NOX4: variants seen among roughly 807,000 people sequenced by gnomAD.
NOX4 encodes the protein NADPH oxidase 4.
In NOX4, 69 loss-of-function variants were observed where a neutral mutation model predicts 87.6. The ratio of observed to expected loss-of-function variants is 0.79; its 90% CI spans 0.65 to 0.96. The LOEUF (loss-of-function observed/expected upper bound fraction) is 0.96. NOX4 is among the 40% of genes least tolerant of loss of function. The pLI, the probability that NOX4 is intolerant of heterozygous loss-of-function variation, is 0.00. For missense variants in NOX4, 680 were observed against 681.5 expected (o/e 1.00, Z 0.02); for synonymous variants, 275 against 238.2 (o/e 1.15, Z -1.42).
At chr11:89,391,761 G>T (rs1223107332) in intron 11 of NOX4, among the ~76,000 whole-genome samples, 4 of 139,448 alleles carry the variant, frequency 2.9e-5, no homozygotes, top group Non-Finnish European at 4.7e-5. Context: ...AAAAAAGAAA[G>T]AAAGAAAAAA....
At chr11:89,521,006 A>T in the NOX4 span, among the ~76,000 whole-genome samples, 2 of 152,162 alleles carry the variant, frequency 1.3e-5, no homozygotes, top group Non-Finnish European at 2.9e-5. Context: ...TCACTACAAA[A>T]AGAACTATGA....
intron 2 of NOX4, among the ~76,000 whole-genome samples, chr11:89,489,387 T>C (rs2034406136): frequency 6.6e-6 from 1 of 152,148 alleles, no homozygotes; most frequent in Admixed American, 6.6e-5. Flanking sequence ...TTTTTTCAGG[T>C]TCCCTAAGTT....
At chr11:89,489,598 C>T (rs187158294) in intron 2 of NOX4, among the ~76,000 whole-genome samples, 4 of 151,802 alleles carry the variant, frequency 2.6e-5, no homozygotes, top group African/African-American at 4.8e-5. Context: ...TGTGCTGGTG[C>T]GTGCCTGTAG....
the NOX4 span, among the ~76,000 whole-genome samples, chr11:89,514,541 T>C: frequency 6.6e-6 from 1 of 152,018 alleles, no homozygotes; most frequent in Non-Finnish European, 1.5e-5. Context: ...GTAAAATGTT[T>C]ATTAAAATTA....
chr11:89,328,747 C>T (rs893474467), intron 17 of NOX4, among the ~76,000 whole-genome samples: 2 of 151,956 alleles, frequency 1.3e-5, no homozygotes, highest in Admixed American at 6.6e-5. Flanking sequence ...GGAGATAAGG[C>T]TTTAAAGGAG....
intron 11 of NOX4, among the ~76,000 whole-genome samples, chr11:89,390,861 T>C (rs1334872371): frequency 2.0e-5 from 3 of 152,176 alleles, no homozygotes; most frequent in Admixed American, 1.3e-4. Flanking sequence ...TGATCTCAAA[T>C]ATTAGACTTT....
At chr11:89,490,709 A>ACAAAAATGCAGTTTT in intron 1 of NOX4, 156 bp from the exon 2 acceptor site, 1 of 712,560 alleles carries the variant, frequency 1.4e-6, no homozygotes, top group Non-Finnish European at 2.5e-6. Context: ...CAAGCTGAAA[A>ACAAAAATGCAGTTTT]CCACTCAGAG....
At chr11:89,363,240 G>A (rs557829419) in intron 12 of NOX4, among the ~76,000 whole-genome samples, 10 of 152,134 alleles carry the variant, frequency 6.6e-5, no homozygotes, top group Admixed American at 3.3e-4. Flanking sequence ...CTTTTGAGCC[G>A]TGGTACTAGA....
chr11:89,550,345 C>T, the NOX4 span, among the ~76,000 whole-genome samples: 6 of 152,114 alleles, frequency 3.9e-5, no homozygotes, highest in African/African-American at 1.4e-4. Context: ...GCCACCACGT[C>T]CAGCTAATTT....
chr11:89,467,379 T>G (rs1232072821), intron 2 of NOX4, among the ~76,000 whole-genome samples: 1 of 144,354 alleles, frequency 6.9e-6, no homozygotes, highest in Non-Finnish European at 1.5e-5. Flanking sequence ...AAAAAAAAAT[T>G]TGTCTTTATC....
At chr11:89,558,473 C>T in the NOX4 span, among the ~76,000 whole-genome samples, 1 of 152,040 alleles carries the variant, frequency 6.6e-6, no homozygotes, top group Non-Finnish European at 1.5e-5. Context: ...GAATGAACTG[C>T]TTCCTAACTA....
At chr11:89,456,615 C>T (rs1278451252) in intron 2 of NOX4, among the ~76,000 whole-genome samples, 1 of 152,144 alleles carries the variant, frequency 6.6e-6, no homozygotes, top group Non-Finnish European at 1.5e-5. Context: ...TCCTGGACCC[C>T]AGCAACTCCT....
At position 89,402,232 on chromosome 11, in the gene NOX4, A is replaced by T. The variant is rs1288287392; in HGVS notation, c.846+94T>A. ...AACATCCTGAAATATCCTATTATGCATGAATATATAGCTTGAAAAACACAT... is the reference window on the plus strand; with the variant it reads ...AACATCCTGAAATATCCTATTATGCTTGAATATATAGCTTGAAAAACACAT... On this transcript the variant is annotated intron_variant, in intron 9 of 17. Coordinates refer to ENST00000263317, the MANE Select transcript of NOX4 (RefSeq NM_016931.5). 6.7e-6 allele frequency: 6 copies of T among 889,364 alleles called. No homozygotes were observed. In the South Asian group the frequency reaches 7.3e-5, roughly 11 times the overall value. 55.1% of individuals were successfully genotyped at this position (889,364 alleles called of 1,614,324 possible). A position where few individuals can be genotyped will look rare whatever the true frequency, so the allele number is the denominator to read the frequency against.
intron 12 of NOX4, among the ~76,000 whole-genome samples, chr11:89,356,928 T>C (rs1938108907): frequency 6.6e-6 from 1 of 152,118 alleles, no homozygotes; most frequent in Admixed American, 6.6e-5. Context: ...AGTGGACCCA[T>C]ACTCCTGTCT....
At chr11:89,354,781 A>G (rs1315212913) in intron 13 of NOX4, among the ~76,000 whole-genome samples, 181 bp downstream of exon 13, 1 of 152,166 alleles carries the variant, frequency 6.6e-6, no homozygotes, top group Non-Finnish European at 1.5e-5. Context: ...TATTTCTTCT[A>G]TGACCCAGCT....
chr11:89,373,614 C>T, intron 11 of NOX4, 122 bp from the exon 12 acceptor site: 2 of 663,342 alleles, frequency 3.0e-6, no homozygotes, highest in East Asian at 5.5e-5. Context: ...AAGGAACAGA[C>T]TAAAATCTAT....
intron 4 of NOX4, among the ~76,000 whole-genome samples, chr11:89,448,061 G>T (rs116372892): frequency 0.013 from 1,940 of 152,214 alleles, 39 homozygotes; most frequent in African/African-American, 0.043. Context: ...TCAAATAATG[G>T]CCAGGTGAAA....
the NOX4 span, among the ~76,000 whole-genome samples, chr11:89,574,436 T>G: frequency 6.6e-6 from 1 of 152,224 alleles, no homozygotes; most frequent in Non-Finnish European, 1.5e-5. Context: ...TCTCTCTAGA[T>G]TTCTGGTTTC....
At chr11:89,356,079 A>G (rs1274853503) in intron 12 of NOX4, among the ~76,000 whole-genome samples, 1 of 152,186 alleles carries the variant, frequency 6.6e-6, no homozygotes, top group Non-Finnish European at 1.5e-5. Flanking sequence ...CATAATTTTT[A>G]TTGAGTTAAA....
Sources: gnomAD v4.1 joint callset for allele counts (sites outside exome capture counted in the v4.1 genomes callset) on GRCh38, gnomAD v4.1.1 for gene constraint, MANE v1.5 for transcripts, NCBI Gene and HGNC (gene_info 2026-07-23, HGNC 2026-07-21) for gene names.